Variants in NRIP1 observed in about 807,000 individuals in gnomAD.
The protein encoded by NRIP1 is nuclear receptor-interacting protein 1.
NRIP1 carries 28 observed loss-of-function variants against 75.0 expected under a neutral mutation model. That is an observed-to-expected ratio of 0.37 (90% CI 0.28 to 0.51). The LOEUF (loss-of-function observed/expected upper bound fraction) is 0.51. NRIP1 is among the 20% of genes least tolerant of loss of function. The pLI, the probability that NRIP1 is intolerant of heterozygous loss-of-function variation, is 0.92. For synonymous variants in NRIP1, 526 were observed against 487.6 expected, an observed-to-expected ratio of 1.08 and a Z score of -1.04; for missense variants, 1,435 against 1,343.7, an observed-to-expected ratio of 1.07 and a Z score of -1.06.
intron 3 of NRIP1, among the ~76,000 whole-genome samples, chr21:15,001,266 G>A (rs2087842575): frequency 6.6e-6 from 1 of 152,084 alleles, no homozygotes. Flanking sequence ...GATTGTAATC[G>A]AAGGATCAGG....
chr21:15,011,514 T>G (rs1194813371), intron 3 of NRIP1, among the ~76,000 whole-genome samples: 3 of 152,046 alleles, frequency 2.0e-5, no homozygotes, highest in Non-Finnish European at 4.4e-5. Flanking sequence ...AAAAAAAAAT[T>G]TATATAGATA....
At chr21:15,039,559 C>A (rs937355112) in intron 2 of NRIP1, among the ~76,000 whole-genome samples, 11 of 152,070 alleles carry the variant, frequency 7.2e-5, no homozygotes, top group African/African-American at 2.4e-4. Context: ...CATTAACCCT[C>A]AAAATTTAGG....
chr21:15,036,261 A>T (rs552352300), intron 2 of NRIP1, among the ~76,000 whole-genome samples: 1 of 152,318 alleles, frequency 6.6e-6, no homozygotes, highest in Non-Finnish European at 1.5e-5. Context: ...CAATAAAGTT[A>T]ACTTCCCAAA....
chr21:14,988,962 G>C (rs1486113060), intron 3 of NRIP1, among the ~76,000 whole-genome samples: 1 of 152,060 alleles, frequency 6.6e-6, no homozygotes, highest in Non-Finnish European at 1.5e-5. Flanking sequence ...AGAGGGAAGG[G>C]ACAGCAGGGA....
At chr21:14,981,333 C>T (rs1030698853) in intron 3 of NRIP1, among the ~76,000 whole-genome samples, 12 of 152,198 alleles carry the variant, frequency 7.9e-5, no homozygotes, top group African/African-American at 2.9e-4. Context: ...CCCATCTATC[C>T]ATACAACCAA....
intron 2 of NRIP1, among the ~76,000 whole-genome samples, chr21:15,031,442 C>T (rs1477894627): frequency 3.2e-5 from 4 of 124,554 alleles, no homozygotes; most frequent in African/African-American, 9.4e-5. Flanking sequence ...GGAAGGCGCT[C>T]GGAGGATCAC....
At chr21:14,973,678 AT>A (rs11293384) in intron 3 of NRIP1, among the ~76,000 whole-genome samples, 36,936 of 141,932 alleles carry the variant, frequency 0.26, 4,976 homozygotes, top group East Asian at 0.42. Context: ...AGCTCGCATA[AT>A]TTTTTTTTTT....
At chr21:14,969,246 C>T (rs1243332513) in intron 3 of NRIP1, among the ~76,000 whole-genome samples, 1 of 152,128 alleles carries the variant, frequency 6.6e-6, no homozygotes, top group Admixed American at 6.5e-5. Context: ...TCTTTAGATG[C>T]TTGTTCAGGG....
At chr21:14,974,593 T>G (rs1393385070) in intron 3 of NRIP1, among the ~76,000 whole-genome samples, 1 of 152,170 alleles carries the variant, frequency 6.6e-6, no homozygotes, top group Non-Finnish European at 1.5e-5. Flanking sequence ...TCAAATAAAT[T>G]TGGTGTTCCA....
At chr21:14,990,624 G>C (rs2087543223) in intron 3 of NRIP1, among the ~76,000 whole-genome samples, 1 of 152,234 alleles carries the variant, frequency 6.6e-6, no homozygotes, top group Non-Finnish European at 1.5e-5. Context: ...AATCTTAAAA[G>C]AGATGCTGGT....
At chr21:14,975,738 C>T (rs2087046593) in intron 3 of NRIP1, among the ~76,000 whole-genome samples, 1 of 151,224 alleles carries the variant, frequency 6.6e-6, no homozygotes, top group African/African-American at 2.4e-5. Context: ...TCAGTATTGC[C>T]TCATCCTTCT....
At chr21:14,993,156 T>G (rs1002535244) in intron 3 of NRIP1, among the ~76,000 whole-genome samples, 2 of 152,008 alleles carry the variant, frequency 1.3e-5, no homozygotes, top group African/African-American at 4.8e-5. Context: ...TATGTAGTTA[T>G]ACCTTTGTGT....
chr21:14,988,421 TTAGATAGATAGATAGA>T (rs3075987), intron 3 of NRIP1, among the ~76,000 whole-genome samples: 20 of 145,826 alleles, frequency 1.4e-4, no homozygotes, highest in African/African-American at 2.0e-4. Context: ...TCTTTTGTCT[TTAGATAGATAGATAGA>T]TAGATAGATA....
chr21:14,983,933 G>A (rs1453681596), intron 3 of NRIP1, among the ~76,000 whole-genome samples: 1 of 152,194 alleles, frequency 6.6e-6, no homozygotes, highest in Non-Finnish European at 1.5e-5. Context: ...CCATGTACCT[G>A]TACACTAAGA....
chr21:15,048,939 T>G (rs1438230929), intron 1 of NRIP1, among the ~76,000 whole-genome samples: 1 of 152,158 alleles, frequency 6.6e-6, no homozygotes. Flanking sequence ...TGTAGACATC[T>G]CCATTTAAAA....
chr21:15,013,930 T>C (rs2088167573), intron 3 of NRIP1, among the ~76,000 whole-genome samples: 1 of 152,204 alleles, frequency 6.6e-6, no homozygotes, highest in African/African-American at 2.4e-5. Flanking sequence ...GGGATTGCTA[T>C]TGTAGGATTT....
chr21:14,995,766 C>CGTGTGT (rs55916377), intron 3 of NRIP1, among the ~76,000 whole-genome samples: 5 of 149,466 alleles, frequency 3.3e-5, no homozygotes, highest in South Asian at 2.1e-4. Context: ...GCTGTGTGTG[C>CGTGTGT]GTGTGTGTGT....
chr21:15,057,645 T>A lies in NRIP1; in HGVS notation c.-538+7100A>T, dbSNP rs183221209. Among the ~76,000 whole-genome samples the A allele has an allele frequency of 2.6e-4, 39 of 152,326 alleles. No individual in the cohort carries two copies. The East Asian group carries it at 5.6e-3, about 22-fold the overall frequency. On this transcript the variant is annotated intron_variant, in intron 1 of 3. Coordinates refer to ENST00000318948, the MANE Select transcript of NRIP1 (RefSeq NM_003489.4). ...TTGGGAGCAAGGTTTTTTAACGGCT[T>A]CCTGAATGTCAGATGGCAACTGGTT...
intron 2 of NRIP1, among the ~76,000 whole-genome samples, chr21:15,035,487 C>T (rs2088810672): frequency 6.6e-6 from 1 of 151,124 alleles, no homozygotes; most frequent in Non-Finnish European, 1.5e-5. Flanking sequence ...AGAGGTTATA[C>T]TAATAAAAGG....
Sources: gnomAD v4.1 joint callset for allele counts (sites outside exome capture counted in the v4.1 genomes callset) on GRCh38, gnomAD v4.1.1 for gene constraint, MANE v1.5 for transcripts, NCBI Gene and HGNC (gene_info 2026-07-23, HGNC 2026-07-21) for gene names.